Variants in TTC27 observed in about 807,000 individuals in gnomAD.
TTC27 encodes the protein tetratricopeptide repeat protein 27.
TTC27 carries 79 observed loss-of-function variants against 115.9 expected under a neutral mutation model. The ratio of observed to expected loss-of-function variants is 0.68; its 90% CI spans 0.57 to 0.82. TTC27 has a LOEUF of 0.82. TTC27 is among the 40% of genes least tolerant of loss of function. The pLI is 0.00. For missense variants in TTC27, 1,054 were observed against 993.1 expected (o/e 1.06, Z -0.82); for synonymous variants, 401 against 356.0 (o/e 1.13, Z -1.42).
chr2:32,804,399 A>T lies in TTC27; in HGVS notation c.1999-6625A>T, dbSNP rs539960976. On this transcript the variant is annotated intron_variant, in intron 16 of 19. Coordinates refer to ENST00000317907, the MANE Select transcript of TTC27 (RefSeq NM_017735.5). ...TAAAAAAGTCTTTAGGCACAAAGAT[A>T]TGCACTAAAGTGTTTTATTTATACT... 3.9e-5 allele frequency among the ~76,000 whole-genome samples: 6 copies of T among 152,330 alleles called. No individual in the cohort carries two copies. In the East Asian group the frequency reaches 9.6e-4, roughly 24 times the overall value.
intron 10 of TTC27, 98 bp from the exon 11 acceptor site, chr2:32,733,730 T>C (rs1340747929): frequency 4.7e-6 from 3 of 643,604 alleles, no homozygotes; most frequent in Non-Finnish European, 7.3e-6. Flanking sequence ...TTAAGTTCTT[T>C]GTTGTTTATA....
In TTC27 at chr2:32,750,031, G is replaced by A. The variant is rs971278826; in HGVS notation, c.1453-8261G>A. Among the ~76,000 whole-genome samples, 3 of 152,200 alleles carry A rather than the reference G, an allele frequency of 2.0e-5. No individual in the cohort carries two copies. The East Asian group carries it at 5.8e-4, about 29-fold the overall frequency. ...TTAACACAAATGTGAGAAGAGCTGG[G>A]GAAATGAAGGTATGGAAGAGGGAAT... On this transcript the variant is annotated intron_variant, in intron 12 of 19. Transcript: ENST00000317907.
At chr2:32,740,869 G>C (rs185801657) in intron 12 of TTC27, among the ~76,000 whole-genome samples, 1 of 152,092 alleles carries the variant, frequency 6.6e-6, no homozygotes, top group Non-Finnish European at 1.5e-5. Flanking sequence ...TGGCCAGGCT[G>C]GTCTTGAATT....
intron 5 of TTC27, among the ~76,000 whole-genome samples, chr2:32,660,915 G>A (rs2151876737): frequency 6.6e-6 from 1 of 152,278 alleles, no homozygotes; most frequent in Non-Finnish European, 1.5e-5. Flanking sequence ...TTACGTTTAA[G>A]TCTTTAATCC....
intron 13 of TTC27, among the ~76,000 whole-genome samples, chr2:32,760,042 C>T (rs2147995454): frequency 6.6e-6 from 1 of 152,234 alleles, no homozygotes; most frequent in Admixed American, 6.5e-5. Flanking sequence ...GTGAGTAGTG[C>T]TGCTGTGAAC....
At chr2:32,817,927 G>T (rs1671560715) in intron 19 of TTC27, among the ~76,000 whole-genome samples, 1 of 151,980 alleles carries the variant, frequency 6.6e-6, no homozygotes, top group African/African-American at 2.4e-5. Flanking sequence ...CATGGTTGCG[G>T]GTGTCTGTAA....
At chr2:32,652,773 A>G (rs1440048870) in intron 5 of TTC27, among the ~76,000 whole-genome samples, 1 of 152,236 alleles carries the variant, frequency 6.6e-6, no homozygotes, top group African/African-American at 2.4e-5. Context: ...AATAACTGAA[A>G]TACGATTCAG....
intron 10 of TTC27, among the ~76,000 whole-genome samples, chr2:32,729,702 T>C (rs1572555830): frequency 6.6e-6 from 1 of 151,810 alleles, no homozygotes. Context: ...GCCTCCTCTC[T>C]CTCTGCTTGT....
At chr2:32,780,157 T>C (rs1670127595) in intron 14 of TTC27, 2 of 441,344 alleles carry the variant, frequency 4.5e-6, no homozygotes, top group Non-Finnish European at 9.5e-6. Context: ...TAGTTTTGGC[T>C]ATTCAGCATT....
chr2:32,692,840 G>A (rs1284190483), intron 9 of TTC27, among the ~76,000 whole-genome samples: 1 of 152,052 alleles, frequency 6.6e-6, no homozygotes, highest in African/African-American at 2.4e-5. Context: ...GCCAGGCGTC[G>A]TGGTGAACGC....
At chr2:32,735,278 A>G (rs1668414958) in intron 11 of TTC27, among the ~76,000 whole-genome samples, 1 of 152,200 alleles carries the variant, frequency 6.6e-6, no homozygotes, top group Admixed American at 6.5e-5. Context: ...CTTCATCAAG[A>G]ATGTGTTAAC....
chr2:32,783,378 C>T (rs1484053361), intron 15 of TTC27, among the ~76,000 whole-genome samples: 1 of 152,026 alleles, frequency 6.6e-6, no homozygotes, highest in Non-Finnish European at 1.5e-5. Flanking sequence ...ATGATGTGAC[C>T]AAATGCAGAA....
chr2:32,765,851 C>T (rs1669608304), intron 13 of TTC27, among the ~76,000 whole-genome samples: 1 of 152,196 alleles, frequency 6.6e-6, no homozygotes, highest in South Asian at 2.1e-4. Flanking sequence ...CTTTCTTCTG[C>T]AGCTTCTCCA....
rs531574821 is a variant in TTC27, at chr2:32,741,304, C to G, written c.1452+4488C>G. 3.9e-5 allele frequency among the ~76,000 whole-genome samples: 6 copies of G among 152,254 alleles called. No individual in the cohort carries two copies. In the East Asian group the frequency reaches 1.2e-3, roughly 29 times the overall value. On this transcript the variant is annotated intron_variant, in intron 12 of 19. Transcript: ENST00000317907. ...ACTACTCTGGTACCCCATTTGTTGG[C>G]TCATCTGATCTACTAAATGTAAGCT...
intron 12 of TTC27, among the ~76,000 whole-genome samples, chr2:32,745,198 A>G (rs369856301): frequency 8.5e-5 from 13 of 152,244 alleles, no homozygotes; most frequent in African/African-American, 3.1e-4. Flanking sequence ...AACACATACT[A>G]GCTTAGGCAA....
At chr2:32,671,749 A>G (rs1163746667) in intron 7 of TTC27, among the ~76,000 whole-genome samples, 1 of 152,206 alleles carries the variant, frequency 6.6e-6, no homozygotes, top group African/African-American at 2.4e-5. Context: ...GCTATTTGTG[A>G]GAAATTTCTC....
chr2:32,637,829 G>A (rs935621221), intron 3 of TTC27, among the ~76,000 whole-genome samples: 1 of 152,190 alleles, frequency 6.6e-6, no homozygotes, highest in Non-Finnish European at 1.5e-5. Flanking sequence ...AGTACCTCCA[G>A]TTGGGGTTCT....
At chr2:32,658,015 G>T (rs1188064766) in intron 5 of TTC27, among the ~76,000 whole-genome samples, 1 of 152,180 alleles carries the variant, frequency 6.6e-6, no homozygotes, top group Admixed American at 6.5e-5. Context: ...TTTTGGTAGA[G>T]ACAGGGTTTC....
intron 14 of TTC27, chr2:32,780,083 A>G (rs935312735): frequency 2.1e-6 from 1 of 466,424 alleles, no homozygotes; most frequent in African/African-American, 2.0e-5. Flanking sequence ...TCTTGTTTAC[A>G]GAAACTTTGT....
Sources: gnomAD v4.1 joint callset for allele counts (sites outside exome capture counted in the v4.1 genomes callset) on GRCh38, gnomAD v4.1.1 for gene constraint, MANE v1.5 for transcripts, NCBI Gene and HGNC (gene_info 2026-07-23, HGNC 2026-07-21) for gene names.